FGF12: variants seen among roughly 807,000 people sequenced by gnomAD.
FGF12 encodes the protein fibroblast growth factor 12, also known as fibroblast growth factor 12B.
FGF12 carries 14 observed loss-of-function variants against 23.6 expected under a neutral mutation model. That is an observed-to-expected ratio of 0.59 (90% CI 0.39 to 0.93). FGF12 has a LOEUF of 0.93. Among genes scored for constraint, FGF12 ranks in the 40% least tolerant of loss-of-function variants. FGF12 has a pLI of 0.00. For missense variants in FGF12, 175 were observed against 217.8 expected (o/e 0.80, Z 1.24); for synonymous variants, 62 against 77.3 (o/e 0.80, Z 1.04).
At chr3:192,599,351 G>A (rs577265001) in intron 2 of FGF12, among the ~76,000 whole-genome samples, 1 of 151,654 alleles carries the variant, frequency 6.6e-6, no homozygotes, top group African/African-American at 2.4e-5. Context: ...TACTAAATAT[G>A]TGATCTTCAG....
chr3:192,376,326 A>G (rs1209391194), intron 2 of FGF12, among the ~76,000 whole-genome samples: 1 of 147,936 alleles, frequency 6.8e-6, no homozygotes, highest in Non-Finnish European at 1.5e-5. Context: ...ATTGCTATAT[A>G]ATTATTAATT....
At chr3:192,506,982 C>T (rs1347173065) in intron 2 of FGF12, among the ~76,000 whole-genome samples, 1 of 148,354 alleles carries the variant, frequency 6.7e-6, no homozygotes, top group African/African-American at 2.5e-5. Context: ...AGCTCCGCCT[C>T]CTGGGTTCAC....
chr3:192,426,966 G>A (rs559613270), intron 2 of FGF12, among the ~76,000 whole-genome samples: 2 of 152,250 alleles, frequency 1.3e-5, no homozygotes, highest in African/African-American at 4.8e-5. Flanking sequence ...CGATTATTTT[G>A]AGGTATACAA....
intron 2 of FGF12, among the ~76,000 whole-genome samples, chr3:192,429,742 GT>G (rs1721804514): frequency 6.6e-6 from 1 of 152,088 alleles, no homozygotes; most frequent in African/African-American, 2.4e-5. Flanking sequence ...ATGAGGTAAG[GT>G]AGGTAACAAT....
chr3:192,546,674 CAT>C (rs1461470616), intron 2 of FGF12, among the ~76,000 whole-genome samples: 1 of 145,846 alleles, frequency 6.9e-6, no homozygotes, highest in African/African-American at 2.5e-5. Flanking sequence ...ATTTCTGACA[CAT>C]AGTCTCTACT....
intron 2 of FGF12, among the ~76,000 whole-genome samples, chr3:192,437,815 T>A (rs1722075397): frequency 6.6e-6 from 1 of 152,096 alleles, no homozygotes. Context: ...TATTGGAGAA[T>A]CCCTCTCACT....
intron 2 of FGF12, among the ~76,000 whole-genome samples, chr3:192,717,727 A>G (rs1273050313): frequency 9.2e-5 from 14 of 152,246 alleles, no homozygotes; most frequent in East Asian, 3.8e-4. Context: ...CTATTTGCCA[A>G]TGACCAAATT....
rs370054087 is a variant in FGF12 at position 192,525,441 on chromosome 3, A to T, written c.14-164903T>A. Among the ~76,000 whole-genome samples the T allele has an allele frequency of 2.6e-5, 4 of 152,172 alleles. No individual in the cohort carries two copies. In the East Asian group the frequency reaches 7.7e-4, roughly 29 times the overall value. ...AGACTGTTCTTGCTAACTTATCTCC[A>T]ATCAGAGAGTATTACAGATACTATT... On this transcript the variant is annotated intron_variant, in intron 2 of 5. Transcript: ENST00000445105.
rs142936609 is a variant in FGF12 at position 192,168,694 on chromosome 3, A to G, written c.427+1764T>C. On this transcript the variant is annotated intron_variant, in intron 5 of 5. Coordinates refer to ENST00000445105, the MANE Select transcript of FGF12 (RefSeq NM_004113.6). ...ATTCATTCACATGTTCACTTTTCAG[A>G]CAACTGATTATCAAATATCTCTCTA... 3.4e-3 allele frequency among the ~76,000 whole-genome samples: 514 copies of G among 152,290 alleles called. 1 individual carries two copies. Among genetic ancestry groups the G allele is most frequent in the African/African-American group, 0.011 (440 of 41,558 alleles).
intron 4 of FGF12, among the ~76,000 whole-genome samples, chr3:192,222,602 T>A (rs1718533198): frequency 6.6e-6 from 1 of 152,136 alleles, no homozygotes; most frequent in African/African-American, 2.4e-5. Context: ...ATGTCTCTCC[T>A]CCACACTCAA....
At chr3:192,608,938 G>A (rs1388350668) in intron 2 of FGF12, among the ~76,000 whole-genome samples, 1 of 152,058 alleles carries the variant, frequency 6.6e-6, no homozygotes, top group Non-Finnish European at 1.5e-5. Context: ...GCTTAGTGAG[G>A]CAGGCTTAAA....
chr3:192,446,091 T>C (rs1357474662), intron 2 of FGF12, among the ~76,000 whole-genome samples: 2 of 152,242 alleles, frequency 1.3e-5, no homozygotes, highest in Non-Finnish European at 1.5e-5. Context: ...ATTCCAGACA[T>C]GGGAGACATC....
intron 2 of FGF12, among the ~76,000 whole-genome samples, chr3:192,607,674 C>A (rs1714388704): frequency 6.6e-6 from 1 of 151,966 alleles, no homozygotes; most frequent in Non-Finnish European, 1.5e-5. Context: ...ACTCTTGTTA[C>A]TCTGATGTAT....
In FGF12 at chr3:192,669,602, T is replaced by TAAAAAAAAAAAAAAAAA. The variant is rs59897483; in HGVS notation, c.13+57562_13+57578dup. 9.8e-3 allele frequency among the ~76,000 whole-genome samples: 583 copies of TAAAAAAAAAAAAAAAAA among 59,522 alleles called. 10 individuals carry two copies. The highest frequency in any genetic ancestry group is 0.015 in the Non-Finnish European group (472 of 31,928). 39.0% of individuals were successfully genotyped at this position (59,522 alleles called of 152,430 possible). On this transcript the variant is annotated intron_variant, in intron 2 of 5. Coordinates refer to ENST00000445105, the MANE Select transcript of FGF12 (RefSeq NM_004113.6). ...CTGGAGACAGAGAAAGACTCTGTCT[T>TAAAAAAAAAAAAAAAAA]AAAAAAAAAAAAAAAAAAAAAAAAA... is the stretch of plus-strand genomic sequence containing the variant.
intron 2 of FGF12, among the ~76,000 whole-genome samples, chr3:192,412,451 A>G (rs1408372841): frequency 3.9e-5 from 6 of 152,260 alleles, no homozygotes; most frequent in Non-Finnish European, 7.3e-5. Context: ...GAACAAAAAC[A>G]ATGTCAGCTT....
At chr3:192,277,949 G>T (rs1713903453) in intron 4 of FGF12, among the ~76,000 whole-genome samples, 1 of 152,144 alleles carries the variant, frequency 6.6e-6, no homozygotes, top group African/African-American at 2.4e-5. Context: ...TTTTAGTAGA[G>T]ACGGGGTTTC....
intron 3 of FGF12, among the ~76,000 whole-genome samples, chr3:192,355,926 G>A (rs1718452973): frequency 6.6e-6 from 1 of 152,100 alleles, no homozygotes; most frequent in Non-Finnish European, 1.5e-5. Flanking sequence ...ATGTCTCAGT[G>A]GCTTTGTCTA....
chr3:192,475,915 G>C (rs1034005045), intron 2 of FGF12, among the ~76,000 whole-genome samples: 1 of 151,402 alleles, frequency 6.6e-6, no homozygotes, highest in Non-Finnish European at 1.5e-5. Flanking sequence ...GGTAGATATA[G>C]ATGATAGATG....
chr3:192,182,109 T>C (rs1716211524), intron 4 of FGF12, among the ~76,000 whole-genome samples: 1 of 152,198 alleles, frequency 6.6e-6, no homozygotes, highest in Admixed American at 6.5e-5. Context: ...ATAGGCTGGA[T>C]ACTGGCACAT....
Sources: allele counts gnomAD v4.1 joint callset (sites outside exome capture counted in the v4.1 genomes callset), GRCh38; gene constraint gnomAD v4.1.1; transcripts MANE v1.5; gene names NCBI Gene and HGNC (gene_info 2026-07-23, HGNC 2026-07-21).